Variants in SCHIP1 observed in about 807,000 individuals in gnomAD.
SCHIP1 encodes the protein schwannomin-interacting protein 1.
Under a neutral mutation model 29.7 loss-of-function variants are expected in SCHIP1, and 8 were observed. The ratio of observed to expected loss-of-function variants is 0.27; its 90% CI spans 0.16 to 0.49. The LOEUF (loss-of-function observed/expected upper bound fraction) is 0.49. SCHIP1 is among the 20% of genes least tolerant of loss of function. The pLI is 0.99. For synonymous variants in SCHIP1, 76 were observed against 94.9 expected, an observed-to-expected ratio of 0.80 and a Z score of 1.16; for missense variants, 193 against 294.6, an observed-to-expected ratio of 0.66 and a Z score of 2.52.
chr3:159,703,140 T>C, the SCHIP1 span, among the ~76,000 whole-genome samples: 189 of 152,308 alleles, frequency 1.2e-3, no homozygotes, highest in African/African-American at 4.5e-3. Flanking sequence ...GAACCCAGTG[T>C]GGTACCTTTC....
the SCHIP1 span, among the ~76,000 whole-genome samples, chr3:159,364,701 C>T: frequency 6.6e-6 from 1 of 152,134 alleles, no homozygotes; most frequent in Non-Finnish European, 1.5e-5. Flanking sequence ...GAAACAGCTC[C>T]CATTGCAAGG....
the SCHIP1 span, among the ~76,000 whole-genome samples, chr3:159,713,107 A>T: frequency 6.6e-6 from 1 of 151,014 alleles, no homozygotes; most frequent in Non-Finnish European, 1.5e-5. Context: ...GTGAGCCAAG[A>T]TCGAGCCATT....
the SCHIP1 span, among the ~76,000 whole-genome samples, chr3:159,339,625 C>T: frequency 6.6e-6 from 1 of 152,156 alleles, no homozygotes; most frequent in Non-Finnish European, 1.5e-5. Flanking sequence ...GATGTGCCTT[C>T]ATGCATTGAC....
intron 2 of SCHIP1, among the ~76,000 whole-genome samples, chr3:159,872,882 G>A (rs1715425993): frequency 6.6e-6 from 1 of 152,116 alleles, no homozygotes. Flanking sequence ...CACTATCCCT[G>A]AAATTCTTCA....
the SCHIP1 span, among the ~76,000 whole-genome samples, chr3:159,661,347 CT>C: frequency 1.5e-5 from 2 of 129,328 alleles, no homozygotes; most frequent in East Asian, 2.0e-4. Context: ...ACATAAATGA[CT>C]TTTTTCCTGC....
the SCHIP1 span, among the ~76,000 whole-genome samples, chr3:159,779,761 ATT>A: frequency 1.3e-5 from 2 of 151,516 alleles, no homozygotes; most frequent in Admixed American, 1.3e-4. Context: ...CTTTTGTTTA[ATT>A]TTTTTTTAAC....
the SCHIP1 span, among the ~76,000 whole-genome samples, chr3:159,459,892 A>C: frequency 6.6e-6 from 1 of 152,170 alleles, no homozygotes; most frequent in Admixed American, 6.5e-5. Flanking sequence ...GAACATCCAG[A>C]AGCCAAGGAG....
At chr3:159,687,285 C>T in the SCHIP1 span, among the ~76,000 whole-genome samples, 1 of 152,086 alleles carries the variant, frequency 6.6e-6, no homozygotes, top group Non-Finnish European at 1.5e-5. Flanking sequence ...CACCAAGACT[C>T]AACCAAAATA....
At chr3:159,705,014 A>G in the SCHIP1 span, among the ~76,000 whole-genome samples, 3 of 149,144 alleles carry the variant, frequency 2.0e-5, no homozygotes, top group Non-Finnish European at 3.0e-5. Flanking sequence ...CCCAGGCTGG[A>G]CTGCAATGGC....
At chr3:159,526,605 T>C in the SCHIP1 span, among the ~76,000 whole-genome samples, 1 of 152,248 alleles carries the variant, frequency 6.6e-6, no homozygotes, top group Non-Finnish European at 1.5e-5. Flanking sequence ...TGATAGGTTA[T>C]AAAATTAGAG....
chr3:159,646,437 G>T, the SCHIP1 span, among the ~76,000 whole-genome samples: 1 of 152,074 alleles, frequency 6.6e-6, no homozygotes, highest in Non-Finnish European at 1.5e-5. Flanking sequence ...GACTTTCTTA[G>T]AGCTGTACTG....
At chr3:159,652,652 G>T in the SCHIP1 span, among the ~76,000 whole-genome samples, 1 of 152,158 alleles carries the variant, frequency 6.6e-6, no homozygotes, top group South Asian at 2.1e-4. Context: ...CAGATAAGAT[G>T]GGTGGGGAGG....
At chr3:159,869,432 C>A (rs1246721241) in intron 2 of SCHIP1, among the ~76,000 whole-genome samples, 2 of 151,856 alleles carry the variant, frequency 1.3e-5, no homozygotes, top group African/African-American at 4.8e-5. Context: ...ATGGAGAAGT[C>A]AAATTTGATC....
chr3:159,532,038 C>T, the SCHIP1 span, among the ~76,000 whole-genome samples: 19 of 151,980 alleles, frequency 1.3e-4, no homozygotes, highest in African/African-American at 4.4e-4. Context: ...AATATTCAGC[C>T]TGTTTATATT....
the SCHIP1 span, among the ~76,000 whole-genome samples, chr3:159,381,255 T>G: frequency 6.6e-6 from 1 of 152,182 alleles, no homozygotes; most frequent in Non-Finnish European, 1.5e-5. Context: ...CTTTTGAACT[T>G]AAAGAGTCCT....
chr3:159,876,729 G>GA, intron 2 of SCHIP1, among the ~76,000 whole-genome samples: 1 of 152,310 alleles, frequency 6.6e-6, no homozygotes, highest in Admixed American at 6.5e-5. Flanking sequence ...TTTATCATAT[G>GA]TTTCTTGTGC....
chr3:159,725,651 C>T, the SCHIP1 span, among the ~76,000 whole-genome samples: 1 of 152,176 alleles, frequency 6.6e-6, no homozygotes, highest in Non-Finnish European at 1.5e-5. Context: ...TAAAAACTTC[C>T]TGGACTTTCA....
At chr3:159,777,392 C>T in the SCHIP1 span, among the ~76,000 whole-genome samples, 3 of 151,972 alleles carry the variant, frequency 2.0e-5, no homozygotes, top group African/African-American at 7.3e-5. Context: ...TTATTGACAC[C>T]AGAGTAGCTT....
the SCHIP1 span, among the ~76,000 whole-genome samples, chr3:159,303,536 G>A: frequency 8.1e-4 from 123 of 151,706 alleles, no homozygotes; most frequent in Non-Finnish European, 1.4e-3. Flanking sequence ...AGGAGGGAAG[G>A]GAGGAAGGAA....
Sources: allele counts gnomAD v4.1 joint callset (sites outside exome capture counted in the v4.1 genomes callset), GRCh38; gene constraint gnomAD v4.1.1; transcripts MANE v1.5; gene names NCBI Gene and HGNC (gene_info 2026-07-23, HGNC 2026-07-21).